Variants in RYR2 observed in about 807,000 individuals in gnomAD.
RYR2 encodes the protein ryanodine receptor 2.
Under a neutral mutation model 601.1 loss-of-function variants are expected in RYR2, and 227 were observed. That is an observed-to-expected ratio of 0.38 (90% CI 0.34 to 0.42). RYR2 has a LOEUF of 0.42. RYR2 is among the 10% of genes least tolerant of loss of function. RYR2 has a pLI of 1.00. For synonymous variants in RYR2, 2,223 were observed against 2,175.1 expected, an observed-to-expected ratio of 1.02 and a Z score of -0.61; for missense variants, 4,646 against 6,156.5, an observed-to-expected ratio of 0.75 and a Z score of 8.21.
intron 27 of RYR2, among the ~76,000 whole-genome samples, chr1:237,565,583 G>A (rs1357545376): frequency 2.0e-5 from 3 of 152,152 alleles, no homozygotes; most frequent in South Asian, 2.1e-4. Context: ...AACTCTGTGC[G>A]AGCTATTGGA....
intron 24 of RYR2, among the ~76,000 whole-genome samples, chr1:237,529,609 T>A (rs1667919542): frequency 6.6e-6 from 1 of 152,136 alleles, no homozygotes; most frequent in South Asian, 2.1e-4. Context: ...GATCAGACCT[T>A]AGAAATTCTG....
In RYR2 at chr1:237,780,915, AAT is replaced by A. The variant is rs1236476102; in HGVS notation, c.11881-649_11881-648del. 1.2e-4 allele frequency among the ~76,000 whole-genome samples: 18 copies of A among 152,364 alleles called. No individual in the cohort carries two copies. The East Asian group carries it at 3.5e-3, about 29-fold the overall frequency. On this transcript the variant is annotated intron_variant, in intron 88 of 104. Coordinates refer to ENST00000366574, the MANE Select transcript of RYR2 (RefSeq NM_001035.3). ...AGAAGTTAGAAAGTTAGAAGAAAAAAATGCAGGCTTTTCAAATAAAAGATAAG... is the reference window on the plus strand; with the variant it reads ...AGAAGTTAGAAAGTTAGAAGAAAAAAGCAGGCTTTTCAAATAAAAGATAAG...
intron 2 of RYR2, among the ~76,000 whole-genome samples, chr1:237,298,443 A>G (rs1226224563): frequency 6.6e-6 from 1 of 152,184 alleles, no homozygotes; most frequent in Non-Finnish European, 1.5e-5. Flanking sequence ...AAGACAAAGA[A>G]TCATTGGTGT....
At chr1:237,639,295 C>A in intron 46 of RYR2, 94 bp downstream of exon 46, 1 of 1,183,086 alleles carries the variant, frequency 8.5e-7, no homozygotes, top group Non-Finnish European at 1.2e-6. Context: ...TGTAATATAA[C>A]TTGTGGTACA....
chr1:237,545,519 C>A (rs934091645), intron 25 of RYR2, among the ~76,000 whole-genome samples: 3 of 152,092 alleles, frequency 2.0e-5, no homozygotes, highest in African/African-American at 7.2e-5. Flanking sequence ...TAGATGGGAT[C>A]AAGGCTGCTG....
intron 1 of RYR2, among the ~76,000 whole-genome samples, chr1:237,066,053 G>C (rs1663569341): frequency 6.6e-6 from 1 of 152,198 alleles, no homozygotes; most frequent in Non-Finnish European, 1.5e-5. Context: ...CATGAGATTT[G>C]GGTGGGGGCA....
At chr1:237,149,021 T>G (rs1308994972) in intron 1 of RYR2, among the ~76,000 whole-genome samples, 1 of 152,208 alleles carries the variant, frequency 6.6e-6, no homozygotes, top group Admixed American at 6.5e-5. Context: ...TGAATGAATT[T>G]TCCTCTTCGA....
At chr1:237,776,639 T>C (rs1694677866) in intron 87 of RYR2, among the ~76,000 whole-genome samples, 1 of 149,602 alleles carries the variant, frequency 6.7e-6, no homozygotes, top group Non-Finnish European at 1.5e-5. Flanking sequence ...CTGAAGGTTC[T>C]TCTCTCTCTC....
Position 237,262,245 on chromosome 1 carries a change from GTTTTTTTTT to G in RYR2, c.49-8233_49-8225del, listed in dbSNP as rs386370106. On this transcript the variant is annotated intron_variant, in intron 1 of 104. Coordinates refer to ENST00000366574, the MANE Select transcript of RYR2 (RefSeq NM_001035.3). ...AAATATTAGATCTCTGTTCTAAAGA[GTTTTTTTTT>G]TTTTTTTTTTTTTTTTTTATGATGG... Among the ~76,000 whole-genome samples, 10 of 61,102 alleles carry G rather than the reference GTTTTTTTTT, an allele frequency of 1.6e-4. No homozygotes were observed. The East Asian group carries it at 5.2e-3, about 32-fold the overall frequency. The allele number at this position is 61,102 out of a possible 152,430, so 40.1% of individuals were successfully genotyped here.
chr1:237,521,584 A>G (rs1667089558), intron 24 of RYR2, among the ~76,000 whole-genome samples: 1 of 151,742 alleles, frequency 6.6e-6, no homozygotes, highest in Admixed American at 6.6e-5. Flanking sequence ...GCCAAGCGTC[A>G]TGGCAGGTGC....
At chr1:237,647,854 C>T (rs1682335484) in intron 48 of RYR2, among the ~76,000 whole-genome samples, 1 of 152,164 alleles carries the variant, frequency 6.6e-6, no homozygotes. Flanking sequence ...ATAAGGAATT[C>T]ACTAATCTCT....
intron 1 of RYR2, among the ~76,000 whole-genome samples, chr1:237,255,094 G>A (rs1485303301): frequency 6.6e-6 from 1 of 152,170 alleles, no homozygotes; most frequent in African/African-American, 2.4e-5. Flanking sequence ...TGATAAGTGA[G>A]CAATCTTCAA....
At chr1:237,498,865 T>C (rs1664343980) in intron 20 of RYR2, among the ~76,000 whole-genome samples, 1 of 152,166 alleles carries the variant, frequency 6.6e-6, no homozygotes, top group Non-Finnish European at 1.5e-5. Flanking sequence ...TGAAATTTTA[T>C]TCATTTTTTT....
chr1:237,352,523 A>G (rs1244059717), intron 3 of RYR2, among the ~76,000 whole-genome samples: 2 of 152,190 alleles, frequency 1.3e-5, no homozygotes, highest in East Asian at 1.9e-4. Context: ...GTTCTCTTCC[A>G]ATTGATCAGG....
In RYR2 at chr1:237,268,635, A is replaced by G. The variant is rs564180859; in HGVS notation, c.49-1862A>G. 3.3e-5 allele frequency among the ~76,000 whole-genome samples: 5 copies of G among 152,194 alleles called. No homozygotes were observed. In the South Asian group the frequency reaches 8.3e-4, roughly 25 times the overall value. ...CGCTATTAAATATTGGTGCTACCAT[A>G]TAGGAAATAAAGGCAAATACAGCCG... is the stretch of plus-strand genomic sequence containing the variant. On this transcript the variant is annotated intron_variant, in intron 1 of 104. Coordinates refer to ENST00000366574, the MANE Select transcript of RYR2 (RefSeq NM_001035.3).
intron 68 of RYR2, among the ~76,000 whole-genome samples, 186 bp from the exon 69 acceptor site, chr1:237,708,671 AT>A (rs1338502535): frequency 6.6e-6 from 1 of 152,138 alleles, no homozygotes; most frequent in African/African-American, 2.4e-5. Context: ...CTCAGTAAAC[AT>A]TTTTTTAATG....
At chr1:237,796,207 G>A (rs1659204142) in intron 96 of RYR2, among the ~76,000 whole-genome samples, 1 of 151,974 alleles carries the variant, frequency 6.6e-6, no homozygotes, top group South Asian at 2.1e-4. Flanking sequence ...GTTTTAAATA[G>A]ATAATTTGAA....
intron 25 of RYR2, among the ~76,000 whole-genome samples, chr1:237,541,687 GA>G (rs1669277461): frequency 6.6e-6 from 1 of 152,186 alleles, no homozygotes; most frequent in Non-Finnish European, 1.5e-5. Context: ...AGCGAAGGGA[GA>G]TAAGGGTGGT....
chr1:237,451,897 G>C (rs34151841), intron 14 of RYR2, among the ~76,000 whole-genome samples: 78,673 of 150,624 alleles, frequency 0.52, 21,878 homozygotes, highest in East Asian at 0.74. Context: ...AATCATTTGT[G>C]TTTTTCTTAT....
Sources: allele counts gnomAD v4.1 joint callset (sites outside exome capture counted in the v4.1 genomes callset), GRCh38; gene constraint gnomAD v4.1.1; transcripts MANE v1.5; gene names NCBI Gene and HGNC (gene_info 2026-07-23, HGNC 2026-07-21).